GPR161: variants seen among roughly 807,000 people sequenced by gnomAD.
The protein encoded by GPR161 is G protein-coupled receptor 161, also known as G-protein coupled receptor RE2.
GPR161 carries 25 observed loss-of-function variants against 39.2 expected under a neutral mutation model. The ratio of observed to expected loss-of-function variants is 0.64; its 90% CI spans 0.47 to 0.89. GPR161 has a LOEUF of 0.89. Among genes scored for constraint, GPR161 ranks in the 40% least tolerant of loss-of-function variants. The pLI is 0.00. For synonymous variants in GPR161, 286 were observed against 276.6 expected, an observed-to-expected ratio of 1.03 and a Z score of -0.34; for missense variants, 547 against 677.8, an observed-to-expected ratio of 0.81 and a Z score of 2.14.
chr1:168,105,697 G>C (rs1696541830), intron 1 of GPR161, among the ~76,000 whole-genome samples: 1 of 152,218 alleles, frequency 6.6e-6, no homozygotes, highest in Non-Finnish European at 1.5e-5. Flanking sequence ...TCTATAAGGT[G>C]CAGTCCCTGC....
At position 168,084,777 on chromosome 1, in the gene GPR161, TAA is replaced by T; in HGVS notation, c.*752_*753del. On this transcript the variant is annotated 3_prime_UTR_variant, in exon 6 of 6. Coordinates refer to ENST00000682931, the MANE Select transcript of GPR161 (RefSeq NM_001375883.1). ...GTACGTCTTAAATGGATTTTTTTTT[TAA>T]TTCTGGAAATGAAACACCTAGTACC... 1.3e-5 allele frequency: 6 copies of T among 453,060 alleles called. No homozygotes were observed. Among genetic ancestry groups the T allele is most frequent in the Admixed American group, 9.6e-5 (4 of 41,796 alleles). The allele number at this position is 453,060 out of a possible 1,614,324, so 28.1% of individuals were successfully genotyped here.
Position 168,098,529 on chromosome 1 carries a change from T to C in GPR161, c.375-1297A>G, listed in dbSNP as rs1012949884. Among the ~76,000 whole-genome samples, 15 of 152,226 alleles carry C rather than the reference T, an allele frequency of 9.9e-5. No homozygotes were observed. The highest frequency in any genetic ancestry group is 3.4e-4 in the African/African-American group (14 of 41,464). ...TGGGAAATGACTCTGGCTATGTGCCTCACACATCGCCTGGGAAGGTGGCTC... is the reference window on the plus strand; with the variant it reads ...TGGGAAATGACTCTGGCTATGTGCCCCACACATCGCCTGGGAAGGTGGCTC... On this transcript the variant is annotated intron_variant, in intron 2 of 5. Coordinates refer to ENST00000682931, the MANE Select transcript of GPR161 (RefSeq NM_001375883.1). The surrounding 1 kb of genome is among the most constrained non-coding windows in gnomAD (Gnocchi z 4.1).
chr1:168,134,893 C>T (rs529548517), intron 1 of GPR161: 2 of 1,535,138 alleles, frequency 1.3e-6, no homozygotes, highest in African/African-American at 2.7e-5. Context: ...GAGTTTACAC[C>T]ACAGAACTGT....
chr1:168,115,329 C>T (rs1417898408), intron 1 of GPR161, among the ~76,000 whole-genome samples: 3 of 152,124 alleles, frequency 2.0e-5, no homozygotes, highest in African/African-American at 7.2e-5. Flanking sequence ...ATCTATATAA[C>T]ACATGTCAAG....
upstream of GPR161, chr1:168,137,545 C>T (rs41271651): frequency 0.12 from 82,487 of 697,450 alleles, 6,697 homozygotes; most frequent in Admixed American, 0.34. Flanking sequence ...CCCTGCACTC[C>T]CTCGGAACCA....
At chr1:168,125,319 C>T (rs1284479666) in intron 1 of GPR161, among the ~76,000 whole-genome samples, 1 of 152,086 alleles carries the variant, frequency 6.6e-6, no homozygotes, top group Non-Finnish European at 1.5e-5. Flanking sequence ...AAACAAAGAC[C>T]CTTGAAATAG....
At chr1:168,131,890 G>A (rs1487020327) in intron 1 of GPR161, among the ~76,000 whole-genome samples, 10 of 152,180 alleles carry the variant, frequency 6.6e-5, no homozygotes, top group African/African-American at 2.2e-4. Flanking sequence ...AAAAAAATTG[G>A]CAAAGAATTT....
At chr1:168,132,274 A>T (rs1411165461) in intron 1 of GPR161, among the ~76,000 whole-genome samples, 1 of 150,604 alleles carries the variant, frequency 6.6e-6, no homozygotes, top group East Asian at 2.0e-4. Context: ...CATAAAAATA[A>T]AATGCCCATA....
chr1:168,134,950 G>T, intron 1 of GPR161: 1 of 1,535,636 alleles, frequency 6.5e-7, no homozygotes, highest in Middle Eastern at 1.7e-4. Flanking sequence ...AGCCCATTCT[G>T]TCTTCCTCGG....
chr1:168,114,982 C>T (rs1697505053), intron 1 of GPR161, among the ~76,000 whole-genome samples: 1 of 152,014 alleles, frequency 6.6e-6, no homozygotes, highest in Non-Finnish European at 1.5e-5. Flanking sequence ...ACCCTAGGTC[C>T]GGGATTTTGT....
chr1:168,090,766 G>A (rs765031176), intron 3 of GPR161, 98 bp from the exon 4 acceptor site: 13 of 582,128 alleles, frequency 2.2e-5, no homozygotes, highest in Non-Finnish European at 3.0e-5. Flanking sequence ...CCTTCTGTTC[G>A]CCCTTGCAAA....
chr1:168,111,386 T>C (rs750747515), intron 1 of GPR161, among the ~76,000 whole-genome samples: 2 of 152,212 alleles, frequency 1.3e-5, no homozygotes, highest in Admixed American at 1.3e-4. Context: ...GTTCTGGCAG[T>C]CGCCACCTGT....
At chr1:168,127,484 AT>A (rs959323075) in intron 1 of GPR161, among the ~76,000 whole-genome samples, 2 of 152,044 alleles carry the variant, frequency 1.3e-5, no homozygotes, top group African/African-American at 2.4e-5. Flanking sequence ...ACTCCATCTC[AT>A]TAAAAAAAAA....
rs1006402572 is a variant in GPR161, at chr1:168,080,884, G to A, written c.*4647C>T. ...ACTTTTTCTTTTTTTTCTTTTTTTA[G>A]GCGGGGTTTCGCTCTTGTTGCCCAG... On this transcript the variant is annotated 3_prime_UTR_variant, in exon 6 of 6. Transcript: ENST00000682931. 1 of 152,542 alleles carries A rather than the reference G, an allele frequency of 6.6e-6. No individual in the cohort carries two copies. The highest frequency in any genetic ancestry group is 2.4e-5 in the African/African-American group (1 of 41,260). 9.4% of individuals were successfully genotyped at this position (152,542 alleles called of 1,614,324 possible). A position where few individuals can be genotyped will look rare whatever the true frequency, so the allele number is the denominator to read the frequency against.
Position 168,085,596 on chromosome 1 carries a change from C to G in GPR161, c.1525G>C (p.Val509Leu). 6.2e-7 allele frequency: 1 copy of G among 1,614,130 alleles called. No individual in the cohort carries two copies. The highest frequency in any genetic ancestry group is 8.5e-7 in the Non-Finnish European group (1 of 1,180,022). Residue 509 changes from valine to leucine, a missense_variant, in exon 6 of 6, where the codon GTG becomes CTG. Val to Leu is a conservative substitution (Grantham distance 32). Coordinates refer to ENST00000682931, the MANE Select transcript of GPR161 (RefSeq NM_001375883.1). ...CTCTGCAACTGCAGCCTCTGGCTCA[C>G]AAGAGTTCTGCTGCCTCGGCGGCCC... ...FGGRRGSRTL[V>L]SQRLQLQSIE...
chr1:168,084,862 T>C lies in GPR161; in HGVS notation c.*669A>G, dbSNP rs1042875799. On this transcript the variant is annotated 3_prime_UTR_variant, in exon 6 of 6. Coordinates refer to ENST00000682931, the MANE Select transcript of GPR161 (RefSeq NM_001375883.1). Reference sequence around the variant, plus strand: ...CCCTTTTGAAATACCAAAGAACTTGTCAGTAGGGAAGTAGGCAGGGTGGGC... The same window carrying C: ...CCCTTTTGAAATACCAAAGAACTTGCCAGTAGGGAAGTAGGCAGGGTGGGC... 2.2e-6 allele frequency: 1 copy of C among 456,242 alleles called. No individual in the cohort carries two copies. The highest frequency in any genetic ancestry group is 2.3e-5 in the Admixed American group (1 of 42,582). 28.3% of individuals were successfully genotyped at this position (456,242 alleles called of 1,614,324 possible).
At chr1:168,129,720 C>T (rs1298231940) in intron 1 of GPR161, among the ~76,000 whole-genome samples, 1 of 152,210 alleles carries the variant, frequency 6.6e-6, no homozygotes, top group Non-Finnish European at 1.5e-5. Context: ...AATGAAAGCC[C>T]AAGGGGCTGA....
intron 1 of GPR161, chr1:168,135,956 T>A: frequency 1.1e-6 from 1 of 930,890 alleles, no homozygotes; most frequent in South Asian, 5.5e-5. Context: ...AATGCGCAGC[T>A]ATGTGGTTAC....
rs534434769 is a variant in GPR161, at chr1:168,105,038, C to A, written c.-44-144G>T. 1.8e-3 allele frequency: 1,111 copies of A among 621,020 alleles called. 1 individual carries two copies. Among genetic ancestry groups the A allele is most frequent in the Non-Finnish European group, 2.8e-3 (997 of 358,050 alleles). 38.5% of individuals were successfully genotyped at this position (621,020 alleles called of 1,614,324 possible). On this transcript the variant is annotated intron_variant, in intron 1 of 5. Transcript: ENST00000682931. ...ACAGACTCTCAGCGGGTCTTCCCCA[C>A]GTAAGCGCTACATAAGTGGGCCATT...
Sources: allele counts gnomAD v4.1 joint callset (sites outside exome capture counted in the v4.1 genomes callset), GRCh38; gene constraint gnomAD v4.1.1; non-coding constraint Gnocchi (gnomAD v3.1); transcripts MANE v1.5; gene names NCBI Gene and HGNC (gene_info 2026-07-23, HGNC 2026-07-21).